Variants in ERICH2 observed in about 807,000 individuals in gnomAD.
The protein encoded by ERICH2 is glutamate rich 2, also known as glutamate-rich protein 2.
ERICH2 carries 17 observed loss-of-function variants against 17.4 expected under a neutral mutation model. The observed-to-expected ratio is 0.98, with a 90% confidence interval of 0.67 to 1.47. ERICH2 has a LOEUF of 1.47. ERICH2 is among the 40% of genes most tolerant of loss of function. The pLI is 0.00. For missense variants in ERICH2, 186 were observed against 183.2 expected, an observed-to-expected ratio of 1.01 and a Z score of -0.09; for synonymous variants, 51 against 61.1, an observed-to-expected ratio of 0.83 and a Z score of 0.77.
the ERICH2 span, among the ~76,000 whole-genome samples, chr2:170,776,574 C>T: frequency 6.6e-6 from 1 of 152,174 alleles, no homozygotes; most frequent in East Asian, 1.9e-4. Context: ...GACGGGGTTT[C>T]GCCATGTTGG....
intron 3 of ERICH2, among the ~76,000 whole-genome samples, chr2:170,797,721 G>A (rs916345059): frequency 4.6e-5 from 7 of 151,588 alleles, no homozygotes; most frequent in Non-Finnish European, 7.4e-5. Context: ...GAACCCGGGA[G>A]GCAGAGGCTG....
exon 5 of ERICH2, chr2:170,798,950 TATAA>T: frequency 6.6e-7 from 1 of 1,524,282 alleles, no homozygotes; most frequent in South Asian, 1.2e-5. Context: ...ACCATGCAAA[TATAA>T]AGACAAGTGA....
Position 170,784,688 on chromosome 2 carries a change from AT to A in ERICH2, c.72del (p.Asn24LysfsTer44), listed in dbSNP as rs759779507. On this transcript the variant is annotated frameshift_variant, in exon 2 of 5. Transcript: ENST00000409885. LOFTEE classifies it high-confidence loss of function. ...GCAGTCATTGTAAAGCAGGAGAAAA[AT>A]AATGAATATTGCCTTCAGGATATTG... The A allele has an allele frequency of 7.8e-6, 12 of 1,541,944 alleles. No homozygotes were observed. The South Asian group carries it at 1.5e-4, about 19-fold the overall frequency.
At chr2:170,775,365 G>A in the ERICH2 span, among the ~76,000 whole-genome samples, 1 of 151,994 alleles carries the variant, frequency 6.6e-6, no homozygotes, top group African/African-American at 2.4e-5. Context: ...CCAGGTGATC[G>A]AGGCTGCAGT....
At chr2:170,781,785 C>T (rs950562242), upstream of ERICH2, among the ~76,000 whole-genome samples, 2 of 93,710 alleles carry the variant, frequency 2.1e-5, no homozygotes, top group African/African-American at 5.9e-5. Flanking sequence ...AGAGTTAACC[C>T]ATTTTTAATT....
At chr2:170,784,805 C>G in exon 2 of ERICH2, 1 of 1,519,478 alleles carries the variant, frequency 6.6e-7, no homozygotes, top group Non-Finnish European at 8.8e-7. Flanking sequence ...AAAAAGAATA[C>G]TCAGGCCCCA....
At chr2:170,794,816 C>T (rs554314786) in intron 3 of ERICH2, among the ~76,000 whole-genome samples, 1 of 152,360 alleles carries the variant, frequency 6.6e-6, no homozygotes, top group South Asian at 2.1e-4. Flanking sequence ...AGAGTCCCAA[C>T]TGTGGATAGA....
chr2:170,777,645 A>C, the ERICH2 span: 2 of 1,233,518 alleles, frequency 1.6e-6, no homozygotes. Flanking sequence ...CTCTTTCAGA[A>C]AAAGTGATGA....
At chr2:170,781,709 T>A (rs1701034106), upstream of ERICH2, among the ~76,000 whole-genome samples, 1 of 92,390 alleles carries the variant, frequency 1.1e-5, no homozygotes, top group African/African-American at 3.0e-5. Flanking sequence ...GGGCACCTCA[T>A]TAAGAATTCC....
chr2:170,774,326 G>T, the ERICH2 span, among the ~76,000 whole-genome samples: 1 of 152,076 alleles, frequency 6.6e-6, no homozygotes, highest in South Asian at 2.1e-4. Context: ...TTTTCTTTTA[G>T]ATAAAACATT....
At chr2:170,789,673 G>T (rs1015874798) in intron 2 of ERICH2, among the ~76,000 whole-genome samples, 3 of 152,062 alleles carry the variant, frequency 2.0e-5, no homozygotes, top group African/African-American at 7.2e-5. Context: ...ACTGCCTTTT[G>T]AACTATTAAA....
the ERICH2 span, among the ~76,000 whole-genome samples, chr2:170,772,867 C>G: frequency 6.6e-6 from 1 of 152,110 alleles, no homozygotes; most frequent in Admixed American, 6.5e-5. Context: ...TTATAAAAAC[C>G]AGTAGCACAA....
At chr2:170,770,968 T>A in the ERICH2 span, 1 of 135,606 alleles carries the variant, frequency 7.4e-6, no homozygotes, top group East Asian at 2.3e-4. Context: ...TTCCCCGGGC[T>A]GCCCCTGCCC....
At chr2:170,795,510 G>GGTAATTTTT (rs1460800668) in intron 3 of ERICH2, among the ~76,000 whole-genome samples, 2 of 151,996 alleles carry the variant, frequency 1.3e-5, no homozygotes, top group African/African-American at 4.8e-5. Flanking sequence ...ACCATGCCCA[G>GGTAATTTTT]GTAATTTTTG....
chr2:170,782,799 G>A (rs1036683030), upstream of ERICH2, among the ~76,000 whole-genome samples: 10 of 152,142 alleles, frequency 6.6e-5, no homozygotes, highest in Non-Finnish European at 5.9e-5. Flanking sequence ...TAAAAAACAG[G>A]CCAGCTATAG....
chr2:170,780,567 A>G (rs562315544), upstream of ERICH2, among the ~76,000 whole-genome samples: 50 of 152,368 alleles, frequency 3.3e-4, 1 homozygote, highest in Admixed American at 2.7e-3. Flanking sequence ...TCAAATACCC[A>G]GAACTATACT....
At chr2:170,797,756 C>T (rs770170776) in intron 3 of ERICH2, among the ~76,000 whole-genome samples, 4 of 148,646 alleles carry the variant, frequency 2.7e-5, no homozygotes, top group Admixed American at 1.4e-4. Context: ...CATGCCACTG[C>T]ACTCCAGTCT....
the ERICH2 span, chr2:170,775,509 A>G: frequency 6.6e-6 from 1 of 152,168 alleles, no homozygotes; most frequent in Non-Finnish European, 1.5e-5. Flanking sequence ...GGGATTGTGG[A>G]ACTCTGTGAA....
upstream of ERICH2, among the ~76,000 whole-genome samples, chr2:170,779,082 A>G (rs988003631): frequency 3.9e-5 from 6 of 152,196 alleles, no homozygotes; most frequent in African/African-American, 1.4e-4. Context: ...TAAGCTTCAC[A>G]GGTGTGTAGT....
Sources: allele counts gnomAD v4.1 joint callset (sites outside exome capture counted in the v4.1 genomes callset), GRCh38; gene constraint gnomAD v4.1.1; transcripts MANE v1.5; gene names NCBI Gene and HGNC (gene_info 2026-07-23, HGNC 2026-07-21).